PTPRD: variants seen among roughly 807,000 people sequenced by gnomAD.
PTPRD encodes the protein receptor-type tyrosine-protein phosphatase delta.
In PTPRD, 34 loss-of-function variants were observed where a neutral mutation model predicts 214.5. That is an observed-to-expected ratio of 0.16 (90% CI 0.12 to 0.21). The LOEUF (loss-of-function observed/expected upper bound fraction) is 0.21, where lower values mean the gene tolerates loss of function less well. Among genes scored for constraint, PTPRD ranks in the 10% least tolerant of loss-of-function variants. PTPRD has a pLI of 1.00. For missense variants in PTPRD, 2,545 were observed against 2,398.7 expected, an observed-to-expected ratio of 1.06 and a Z score of -1.27; for synonymous variants, 1,128 against 845.7, an observed-to-expected ratio of 1.33 and a Z score of -5.79.
intron 11 of PTPRD, among the ~76,000 whole-genome samples, chr9:8,757,750 G>A (rs10123721): frequency 2.0e-5 from 3 of 151,238 alleles, no homozygotes; most frequent in Non-Finnish European, 4.4e-5. Context: ...GAGCTGTCAT[G>A]TGGATATTGG....
At chr9:9,574,685 G>A (rs950885013) in intron 8 of PTPRD, 47 bp downstream of exon 8, 6 of 151,672 alleles carry the variant, frequency 4.0e-5, no homozygotes, top group Admixed American at 6.6e-5. Context: ...ATCAAAAAGC[G>A]GTAATGAAAA....
At chr9:10,316,181 A>T (rs2096423675) in intron 3 of PTPRD, among the ~76,000 whole-genome samples, 1 of 130,340 alleles carries the variant, frequency 7.7e-6, no homozygotes, top group African/African-American at 3.0e-5. Context: ...ATATACATAG[A>T]TATACATATA....
intron 12 of PTPRD, among the ~76,000 whole-genome samples, chr9:8,719,916 T>A (rs1002065468): frequency 6.6e-6 from 1 of 152,244 alleles, no homozygotes; most frequent in Non-Finnish European, 1.5e-5. Flanking sequence ...CCATCTGTGT[T>A]ACAGTTCCAG....
chr9:8,321,275 T>A (rs528613798), intron 44 of PTPRD, among the ~76,000 whole-genome samples: 1 of 151,716 alleles, frequency 6.6e-6, no homozygotes, highest in Non-Finnish European at 1.5e-5. Flanking sequence ...TTACCTTGAT[T>A]TGATAGCTCG....
chr9:9,209,178 C>G (rs2099946955), intron 9 of PTPRD, among the ~76,000 whole-genome samples: 2 of 152,110 alleles, frequency 1.3e-5, no homozygotes, highest in South Asian at 4.1e-4. Context: ...AGATCTGAAT[C>G]TTACTAAGCC....
intron 3 of PTPRD, among the ~76,000 whole-genome samples, chr9:10,313,496 C>A (rs2096330619): frequency 6.6e-6 from 1 of 151,676 alleles, no homozygotes; most frequent in African/African-American, 2.4e-5. Context: ...TTTCCCAAGA[C>A]AAAACTATCA....
chr9:8,532,902 G>A (rs546680803), intron 14 of PTPRD, among the ~76,000 whole-genome samples: 1 of 152,104 alleles, frequency 6.6e-6, no homozygotes, highest in Admixed American at 6.6e-5. Context: ...TTCCATTAAG[G>A]AAAGAGAAAA....
chr9:9,533,965 C>T (rs1482735813), intron 8 of PTPRD, among the ~76,000 whole-genome samples: 2 of 151,944 alleles, frequency 1.3e-5, no homozygotes, highest in African/African-American at 4.8e-5. Flanking sequence ...TATGATGTGT[C>T]AAGCTCATTT....
chr9:8,704,313 TATA>T (rs1227115939), intron 12 of PTPRD, among the ~76,000 whole-genome samples: 4 of 151,950 alleles, frequency 2.6e-5, no homozygotes, highest in Non-Finnish European at 4.4e-5. Context: ...CTCTCAGTAA[TATA>T]ATCTCAGTAG....
chr9:8,713,538 G>C (rs2098391492), intron 12 of PTPRD: 1 of 1,295,590 alleles, frequency 7.7e-7, no homozygotes. Context: ...TGCGGGTGAA[G>C]AACTTCGGGA....
intron 4 of PTPRD, 113 bp downstream of exon 4, chr9:10,033,605 G>C (rs2097124567): frequency 6.6e-6 from 1 of 151,894 alleles, no homozygotes; most frequent in African/African-American, 2.4e-5. Context: ...TCTGTAATTA[G>C]TCAAGCAATG....
chr9:9,209,251 A>G (rs1222928242), intron 9 of PTPRD, among the ~76,000 whole-genome samples: 1 of 152,218 alleles, frequency 6.6e-6, no homozygotes, highest in Admixed American at 6.5e-5. Context: ...AAAAGACACT[A>G]TTGTTAAGCA....
chr9:9,619,361 G>A (rs2154351634), intron 7 of PTPRD, among the ~76,000 whole-genome samples: 1 of 151,906 alleles, frequency 6.6e-6, no homozygotes, highest in East Asian at 1.9e-4. Flanking sequence ...GTATGAAGAG[G>A]AGGCTTCAAA....
chr9:10,158,307 C>T (rs909195913), intron 3 of PTPRD, among the ~76,000 whole-genome samples: 24 of 152,168 alleles, frequency 1.6e-4, no homozygotes, highest in Non-Finnish European at 2.9e-5. Context: ...TGCACCCAGC[C>T]ATTTATGTTC....
intron 10 of PTPRD, among the ~76,000 whole-genome samples, chr9:9,027,420 T>C (rs1448285994): frequency 6.6e-6 from 1 of 151,986 alleles, no homozygotes; most frequent in Admixed American, 6.6e-5. Context: ...TGGAAGTTTC[T>C]AAAAATACTG....
chr9:9,736,815 T>G (rs2098305286), intron 6 of PTPRD, among the ~76,000 whole-genome samples: 1 of 152,050 alleles, frequency 6.6e-6, no homozygotes, highest in African/African-American at 2.4e-5. Flanking sequence ...CAGAAGTGCT[T>G]TATGTATTCT....
chr9:8,597,434 T>C (rs955141860), intron 14 of PTPRD, among the ~76,000 whole-genome samples: 3 of 152,122 alleles, frequency 2.0e-5, no homozygotes, highest in African/African-American at 7.2e-5. Flanking sequence ...TACCTGTTAA[T>C]ACACCCTCCT....
intron 4 of PTPRD, among the ~76,000 whole-genome samples, chr9:9,957,813 G>A (rs554727265): frequency 2.0e-5 from 3 of 152,008 alleles, no homozygotes; most frequent in Non-Finnish European, 4.4e-5. Context: ...AATCCAGACA[G>A]CCTGGTGTTG....
At chr9:9,395,534 T>C (rs2067473639) in intron 9 of PTPRD, among the ~76,000 whole-genome samples, 1 of 152,088 alleles carries the variant, frequency 6.6e-6, no homozygotes, top group Admixed American at 6.6e-5. Context: ...TCTACTTCCA[T>C]GGCCTTCTTC....
Sources: allele counts gnomAD v4.1 joint callset (sites outside exome capture counted in the v4.1 genomes callset), GRCh38; gene constraint gnomAD v4.1.1; transcripts MANE v1.5; gene names NCBI Gene and HGNC (gene_info 2026-07-23, HGNC 2026-07-21).